TBC1D30: variants seen among roughly 807,000 people sequenced by gnomAD.
The protein encoded by TBC1D30 is TBC1 domain family, member 30.
TBC1D30 carries 31 observed loss-of-function variants against 63.2 expected under a neutral mutation model. The observed-to-expected ratio is 0.49, with a 90% CI of 0.37 to 0.66. The LOEUF (loss-of-function observed/expected upper bound fraction) is 0.66. Ranked by LOEUF, TBC1D30 falls within the 30% of genes least tolerant of loss-of-function variation. The pLI, the probability that TBC1D30 is intolerant of heterozygous loss-of-function variation, is 0.00. For missense variants in TBC1D30, 810 were observed against 953.6 expected (o/e 0.85, Z 1.98); for synonymous variants, 307 against 361.5 (o/e 0.85, Z 1.71).
chr12:64,837,044 T>C (rs1875429181), intron 6 of TBC1D30, among the ~76,000 whole-genome samples: 2 of 152,154 alleles, frequency 1.3e-5, no homozygotes, highest in African/African-American at 4.8e-5. Flanking sequence ...ACCTGAACCA[T>C]TGAGATTATG....
intron 1 of TBC1D30, among the ~76,000 whole-genome samples, chr12:64,767,020 C>T (rs899007096): frequency 2.6e-5 from 4 of 151,940 alleles, no homozygotes; most frequent in Non-Finnish European, 5.9e-5. Flanking sequence ...ACACAGCATA[C>T]TAAAACTTGG....
upstream of TBC1D30, among the ~76,000 whole-genome samples, chr12:64,778,213 A>C (rs1871136630): frequency 6.6e-6 from 1 of 152,202 alleles, no homozygotes; most frequent in Non-Finnish European, 1.5e-5. Context: ...TTTCTTAGGA[A>C]AGTAGGTAAT....
At chr12:64,780,281 A>C (rs2136287846), upstream of TBC1D30, among the ~76,000 whole-genome samples, 1 of 152,344 alleles carries the variant, frequency 6.6e-6, no homozygotes, top group East Asian at 1.9e-4. Context: ...TGGGAAAGTG[A>C]GAAGGGCTGG....
At chr12:64,781,277 C>T in exon 1 of TBC1D30, 1 of 1,143,448 alleles carries the variant, frequency 8.7e-7, no homozygotes. Context: ...GCTGTACCTG[C>T]GGCAGAAAGG....
intron 2 of TBC1D30, among the ~76,000 whole-genome samples, chr12:64,789,417 C>G (rs923089715): frequency 1.3e-5 from 2 of 152,060 alleles, no homozygotes; most frequent in Non-Finnish European, 2.9e-5. Context: ...CTCCTGGGCT[C>G]AAGCAATCTG....
chr12:64,866,880 A>C lies in TBC1D30; in HGVS notation c.1268A>C (p.Gln423Pro), dbSNP rs1341418556. 6.8e-5 allele frequency: 105 copies of C among 1,536,078 alleles called. No homozygotes were observed. Among genetic ancestry groups the C allele is most frequent in the Non-Finnish European group, 8.8e-5 (101 of 1,146,934 alleles). ...PFSGFLAPELQKYQKQIKEPN... is the reference protein window; with the variant it reads ...PFSGFLAPELPKYQKQIKEPN... The stretch of plus-strand genomic sequence containing the variant: ...AGTGGGTTCCTGGCTCCTGAACTGC[A>C]GAAGTACCAAAAACAAATTAAAGGT... Residue 423 changes from glutamine to proline, a missense_variant, in exon 10 of 12, where the codon CAG (glutamine) becomes CCG (proline). Gln to Pro is a moderately conservative substitution (Grantham distance 76). Coordinates refer to ENST00000539867, the MANE Select transcript of TBC1D30 (RefSeq NM_015279.2).
At chr12:64,762,146 G>C (rs1286214075) in intron 1 of TBC1D30, among the ~76,000 whole-genome samples, 2 of 152,174 alleles carry the variant, frequency 1.3e-5, no homozygotes, top group African/African-American at 4.8e-5. Flanking sequence ...TTTGTTAATG[G>C]AGTATTGGGG....
intron 1 of TBC1D30, among the ~76,000 whole-genome samples, chr12:64,763,843 TG>T (rs1395092908): frequency 6.6e-6 from 1 of 152,122 alleles, no homozygotes; most frequent in Non-Finnish European, 1.5e-5. Context: ...GACCTCAGGC[TG>T]GTCTTGAACT....
rs922596048 is a variant in TBC1D30, at chr12:64,875,464, G to A, written c.1962G>A (p.Ala654=). The A allele has an allele frequency of 1.9e-5, 29 of 1,536,190 alleles. No homozygotes were observed. The highest frequency in any genetic ancestry group is 1.2e-4 in the East Asian group (5 of 40,912). Residue 654 remains alanine (A), a synonymous_variant, in exon 12 of 12, where the codon GCG becomes GCA. Transcript: ENST00000539867. ...ATGTGGATGTGTCTGCAGTTCAGGC[G>A]AAGTTGGGAGCCCTGGAACTGAACC... ...DADVDVSAVQ[A]KLGALELNQR... is the part of the protein sequence containing the mutation.
chr12:64,840,227 A>G (rs965127812), intron 7 of TBC1D30, among the ~76,000 whole-genome samples: 35 of 152,236 alleles, frequency 2.3e-4, no homozygotes, highest in African/African-American at 3.1e-4. Flanking sequence ...GCAGCCATGT[A>G]TTTCCAACTT....
At chr12:64,795,860 T>C (rs1245245012) in intron 2 of TBC1D30, among the ~76,000 whole-genome samples, 5 of 152,124 alleles carry the variant, frequency 3.3e-5, no homozygotes, top group South Asian at 2.1e-4. Flanking sequence ...TCCTTTTTCA[T>C]AAACTCATTT....
intron 11 of TBC1D30, among the ~76,000 whole-genome samples, chr12:64,871,524 A>G (rs1025084920): frequency 6.6e-6 from 1 of 152,248 alleles, no homozygotes. Context: ...TTAAAGTGGC[A>G]TGTGAGCATG....
chr12:64,763,474 T>C (rs1385355524), intron 1 of TBC1D30, among the ~76,000 whole-genome samples: 3 of 152,326 alleles, frequency 2.0e-5, no homozygotes, highest in African/African-American at 7.2e-5. Flanking sequence ...GTGAAATGAT[T>C]ATTCTCTTCC....
At chr12:64,833,026 C>T (rs552253650) in intron 5 of TBC1D30, among the ~76,000 whole-genome samples, 1 of 152,252 alleles carries the variant, frequency 6.6e-6, no homozygotes, top group East Asian at 1.9e-4. Flanking sequence ...CCAGGTTCAG[C>T]TTATAGTCAA....
chr12:64,760,855 C>T (rs1335086519), intron 1 of TBC1D30, among the ~76,000 whole-genome samples: 2 of 150,638 alleles, frequency 1.3e-5, no homozygotes, highest in Admixed American at 1.3e-4. Context: ...ACCTTTATTA[C>T]TTTGTTTTTT....
intron 8 of TBC1D30, among the ~76,000 whole-genome samples, chr12:64,859,830 C>T (rs1361850656): frequency 1.3e-5 from 2 of 152,058 alleles, no homozygotes; most frequent in African/African-American, 2.4e-5. Context: ...CCCATCCAGG[C>T]CTCTGTAGGC....
Position 64,876,133 on chromosome 12 carries a change from T to A in TBC1D30, c.*345T>A. On this transcript the variant is annotated 3_prime_UTR_variant, in exon 12 of 12. Coordinates refer to ENST00000539867, the MANE Select transcript of TBC1D30 (RefSeq NM_015279.2). ...CTGTTCTGGGGGCCTTCAGAGTCCC[T>A]GTGACAGCACCCCCAAACCTTCCAG... 1 of 213,856 alleles carries A rather than the reference T, an allele frequency of 4.7e-6. No homozygotes were observed. Among genetic ancestry groups the A allele is most frequent in the Non-Finnish European group, 9.2e-6 (1 of 108,132 alleles). The allele number at this position is 213,856 out of a possible 1,614,324, so 13.2% of individuals were successfully genotyped here.
chr12:64,820,524 C>T (rs891040423), upstream of TBC1D30, among the ~76,000 whole-genome samples: 1 of 152,152 alleles, frequency 6.6e-6, no homozygotes, highest in Non-Finnish European at 1.5e-5. Context: ...GTTCATTAAG[C>T]CTTCCTTCCC....
chr12:64,805,179 A>C (rs1335030627), intron 2 of TBC1D30, among the ~76,000 whole-genome samples: 1 of 151,874 alleles, frequency 6.6e-6, no homozygotes, highest in Non-Finnish European at 1.5e-5. Context: ...CCAGCCTGGG[A>C]CACAGAGAAA....
Sources: allele counts gnomAD v4.1 joint callset (sites outside exome capture counted in the v4.1 genomes callset), GRCh38; gene constraint gnomAD v4.1.1; transcripts MANE v1.5; gene names NCBI Gene and HGNC (gene_info 2026-07-23, HGNC 2026-07-21).